The following PALMD variants were observed in gnomAD, a reference collection of about 807,000 sequenced individuals.
PALMD encodes paralemmin-like protein.
A neutral mutation model predicts 56.2 loss-of-function variants in PALMD; 42 were observed. The observed-to-expected ratio is 0.75, with a 90% confidence interval of 0.58 to 0.97. The LOEUF (loss-of-function observed/expected upper bound fraction) is 0.97, where lower values mean the gene tolerates loss of function less well. PALMD is among the 50% of genes least tolerant of loss of function. The probability of loss-of-function intolerance (pLI) is 0.00; values close to 1 mark genes in which losing one functional copy is unlikely to be tolerated. For missense variants in PALMD, 660 were observed against 643.8 expected, an observed-to-expected ratio of 1.03 and a Z score of -0.27; for synonymous variants, 242 against 222.9, an observed-to-expected ratio of 1.09 and a Z score of -0.76.
chr1:99,669,957 T>C (rs77123535), intron 3 of PALMD: 36 of 152,348 alleles, frequency 2.4e-4, no homozygotes, highest in African/African-American at 8.7e-4. Flanking sequence ...TTCAGAGAAG[T>C]TAAGGAATTC....
chr1:99,652,052 A>G (rs1652597826), intron 1 of PALMD, among the ~76,000 whole-genome samples: 1 of 152,254 alleles, frequency 6.6e-6, no homozygotes, highest in Non-Finnish European at 1.5e-5. Flanking sequence ...GCCTATTCTT[A>G]CATAGCATTT....
chr1:99,646,659 A>G (rs1165086249), intron 1 of PALMD, among the ~76,000 whole-genome samples: 5 of 152,256 alleles, frequency 3.3e-5, no homozygotes, highest in Admixed American at 2.0e-4. Context: ...GGTGTACCTT[A>G]GAAATGCAGT....
intron 1 of PALMD, among the ~76,000 whole-genome samples, chr1:99,661,549 C>T (rs146638029): frequency 5.9e-5 from 9 of 152,226 alleles, no homozygotes; most frequent in Non-Finnish European, 1.0e-4. Context: ...GTCATTGAGG[C>T]ACAGAGAAGT....
chr1:99,692,097 T>C (rs956059255), intron 7 of PALMD, among the ~76,000 whole-genome samples: 6 of 152,204 alleles, frequency 3.9e-5, no homozygotes, highest in Non-Finnish European at 7.3e-5. Context: ...ACTTCCACCA[T>C]TGCATGGCCC....
intron 3 of PALMD, among the ~76,000 whole-genome samples, chr1:99,671,263 G>T (rs527659733): frequency 6.6e-5 from 10 of 152,088 alleles, no homozygotes; most frequent in African/African-American, 2.4e-4. Flanking sequence ...CTTTGCCCAT[G>T]AACCTTTCTT....
At chr1:99,690,841 C>T (rs1040872356) in intron 7 of PALMD, among the ~76,000 whole-genome samples, 1 of 152,144 alleles carries the variant, frequency 6.6e-6, no homozygotes, top group Non-Finnish European at 1.5e-5. Context: ...TACTGGCTAA[C>T]TTCACAAGTC....
intron 2 of PALMD, 145 bp downstream of exon 2, chr1:99,662,544 A>G (rs1652869809): frequency 4.7e-6 from 3 of 638,668 alleles, no homozygotes; most frequent in Non-Finnish European, 8.4e-6. Context: ...GGGGAGGCCA[A>G]CAAGCTAGTA....
Position 99,686,806 on chromosome 1 carries a change from T to C in PALMD, c.366+16T>C, listed in dbSNP as rs376943647. On this transcript the variant is annotated intron_variant, in intron 4 of 7. Transcript: ENST00000263174. ...CATTATAAGAGTGAGCATTAACCAA[T>C]TTTAAAACTGTAATTCTCTCTCAAA... 36 of 1,436,316 alleles carry C rather than the reference T, an allele frequency of 2.5e-5. No homozygotes were observed. Among genetic ancestry groups the C allele is most frequent in the Admixed American group, 3.6e-5 (2 of 54,854 alleles). 89.0% of individuals were successfully genotyped at this position (1,436,316 alleles called of 1,614,324 possible). A position where few individuals can be genotyped will look rare whatever the true frequency, so the allele number is the denominator to read the frequency against.
chr1:99,692,677 C>T (rs1398446880), intron 7 of PALMD, among the ~76,000 whole-genome samples: 4 of 152,102 alleles, frequency 2.6e-5, no homozygotes, highest in Admixed American at 6.6e-5. Flanking sequence ...GCAATTTGCC[C>T]GTGACTTATA....
chr1:99,665,238 G>T (rs957111431), intron 2 of PALMD, among the ~76,000 whole-genome samples: 1 of 152,064 alleles, frequency 6.6e-6, no homozygotes, highest in Non-Finnish European at 1.5e-5. Context: ...AAAAACTGCA[G>T]AAAGACCTAT....
At chr1:99,665,760 A>G (rs1439512220) in intron 2 of PALMD, among the ~76,000 whole-genome samples, 1 of 152,182 alleles carries the variant, frequency 6.6e-6, no homozygotes, top group African/African-American at 2.4e-5. Flanking sequence ...TTTCCTATGC[A>G]TTAGCTAAAA....
chr1:99,671,890 AT>A (rs1165782200), intron 3 of PALMD, among the ~76,000 whole-genome samples: 1 of 152,186 alleles, frequency 6.6e-6, no homozygotes, highest in Non-Finnish European at 1.5e-5. Context: ...AAGAGCCAGG[AT>A]TTAAAACCTA....
chr1:99,692,901 T>C (rs3766589), intron 7 of PALMD, among the ~76,000 whole-genome samples: 27,912 of 152,200 alleles, frequency 0.18, 5,008 homozygotes, highest in African/African-American at 0.47. Flanking sequence ...CTAGGGAATA[T>C]TCTTGGCCCT....
Position 99,690,546 on chromosome 1 carries a change from C to G in PALMD, c.1612+674C>G, listed in dbSNP as rs1196271787. Among the ~76,000 whole-genome samples, 4 of 151,934 alleles carry G rather than the reference C, an allele frequency of 2.6e-5. No homozygotes were observed. The East Asian group carries it at 7.7e-4, about 29-fold the overall frequency. ...AAATTTTTATAGCTTTATAGCTAAC[C>G]AGCTATTTTAGCATTGAGTGGAAAA... On this transcript the variant is annotated intron_variant, in intron 7 of 7. Transcript: ENST00000263174.
chr1:99,650,458 A>G (rs2100852263), intron 1 of PALMD, among the ~76,000 whole-genome samples: 2 of 152,310 alleles, frequency 1.3e-5, no homozygotes, highest in African/African-American at 4.8e-5. Flanking sequence ...CAGTACAAAG[A>G]CCAACATTAA....
intron 1 of PALMD, among the ~76,000 whole-genome samples, chr1:99,647,404 A>G (rs1652464806): frequency 6.6e-6 from 1 of 152,248 alleles, no homozygotes; most frequent in Non-Finnish European, 1.5e-5. Flanking sequence ...AATTGATACA[A>G]TATCTTAGTT....
At chr1:99,682,725 C>T (rs1402503452) in intron 3 of PALMD, among the ~76,000 whole-genome samples, 1 of 151,924 alleles carries the variant, frequency 6.6e-6, no homozygotes, top group Non-Finnish European at 1.5e-5. Flanking sequence ...AAGAAACTAG[C>T]TGAAGTCATC....
Position 99,646,138 on chromosome 1 carries a change from C to G in PALMD, c.-180C>G. ...ATTACATGTGTCTGTCTGGCCTGAT[C>G]TGTGCATCTGCTCGGAGACGCTCCT... On this transcript the variant is annotated 5_prime_UTR_variant, in exon 1 of 8. The change creates a new upstream start codon in the 5' untranslated region. Transcript: ENST00000263174. The G allele has an allele frequency of 1.6e-6, 1 of 612,178 alleles. No individual in the cohort carries two copies. The highest frequency in any genetic ancestry group is 1.9e-5 in the South Asian group (1 of 51,588). 37.9% of individuals were successfully genotyped at this position (612,178 alleles called of 1,614,324 possible). A position where few individuals can be genotyped will look rare whatever the true frequency, so the allele number is the denominator to read the frequency against.
intron 7 of PALMD, among the ~76,000 whole-genome samples, chr1:99,691,426 GA>G (rs1239373738): frequency 8.6e-5 from 13 of 152,014 alleles, no homozygotes; most frequent in Non-Finnish European, 1.8e-4. Flanking sequence ...CTAAAATAAT[GA>G]AAACAGGAAA....
Sources: gnomAD v4.1 joint callset for allele counts (sites outside exome capture counted in the v4.1 genomes callset) on GRCh38, gnomAD v4.1.1 for gene constraint, MANE v1.5 for transcripts, NCBI Gene and HGNC (gene_info 2026-07-23, HGNC 2026-07-21) for gene names.